The following CCDC170 variants were observed in gnomAD, a reference collection of about 807,000 sequenced individuals.
CCDC170 encodes the protein coiled-coil domain-containing protein 170.
A neutral mutation model predicts 72.6 loss-of-function variants in CCDC170; 69 were observed. That is an observed-to-expected ratio of 0.95 (90% CI 0.78 to 1.16). The LOEUF (loss-of-function observed/expected upper bound fraction) is 1.16. Ranked by LOEUF, CCDC170 falls within the 50% of genes most tolerant of loss-of-function variation. The pLI is 0.00. For synonymous variants in CCDC170, 300 were observed against 303.9 expected, an observed-to-expected ratio of 0.99 and a Z score of 0.13; for missense variants, 852 against 832.5, an observed-to-expected ratio of 1.02 and a Z score of -0.29.
rs1336115859 is a variant in CCDC170 at position 151,494,212 on chromosome 6, CG to C, written c.57+32del. On this transcript the variant is annotated intron_variant, in intron 1 of 10. Transcript: ENST00000239374. ...TACGGTCCCAGCCGCCGGCCGCGCG[CG>C]GGGGTGGCCCTGGGGATAGACGACC... 10 of 1,493,078 alleles carry C rather than the reference CG, an allele frequency of 6.7e-6. No homozygotes were observed. In the East Asian group the frequency reaches 8.3e-5, roughly 12 times the overall value. The allele number at this position is 1,493,078 out of a possible 1,614,324, so 92.5% of individuals were successfully genotyped here. A position where few individuals can be genotyped will look rare whatever the true frequency, so the allele number is the denominator to read the frequency against.
intron 9 of CCDC170, among the ~76,000 whole-genome samples, chr6:151,602,483 G>A (rs1011893887): frequency 6.6e-6 from 1 of 152,090 alleles, no homozygotes; most frequent in Admixed American, 6.6e-5. Context: ...CCATTGATAT[G>A]GTTTGGCTCT....
intron 5 of CCDC170, among the ~76,000 whole-genome samples, chr6:151,569,828 G>C (rs1319526994): frequency 2.0e-5 from 3 of 152,086 alleles, no homozygotes; most frequent in African/African-American, 7.2e-5. Context: ...CATCCCCAAG[G>C]CCTTGTCACT....
chr6:151,536,462 T>A lies in CCDC170; in HGVS notation c.186+16T>A. ...TCAGTCTGAGGTAAGATAATGCATTTCCAGCACTCAGAAATGGGCCTTCTT... is the reference window on the plus strand; with the variant it reads ...TCAGTCTGAGGTAAGATAATGCATTACCAGCACTCAGAAATGGGCCTTCTT... On this transcript the variant is annotated intron_variant, in intron 2 of 10. Transcript: ENST00000239374. The A allele has an allele frequency of 6.2e-7, 1 of 1,613,116 alleles. No individual in the cohort carries two copies. The highest frequency in any genetic ancestry group is 8.5e-7 in the Non-Finnish European group (1 of 1,179,268).
intron 1 of CCDC170, among the ~76,000 whole-genome samples, chr6:151,515,833 C>T (rs896966241): frequency 1.4e-4 from 22 of 152,004 alleles, no homozygotes; most frequent in African/African-American, 1.9e-4. Flanking sequence ...TTTGGAAGTC[C>T]GAAGCGGGTG....
intron 1 of CCDC170, among the ~76,000 whole-genome samples, chr6:151,515,358 C>G (rs1782219676): frequency 6.6e-6 from 1 of 152,244 alleles, no homozygotes; most frequent in Non-Finnish European, 1.5e-5. Context: ...TCTTGGCTCA[C>G]TGCAACCTCT....
chr6:151,568,413 G>A (rs1015664463), intron 5 of CCDC170, among the ~76,000 whole-genome samples: 15 of 152,170 alleles, frequency 9.9e-5, no homozygotes, highest in African/African-American at 3.6e-4. Flanking sequence ...TGTGAATGCA[G>A]CCCAAGTTTG....
rs1781872335 is a variant in CCDC170 at position 151,494,080 on chromosome 6, T to C, written c.-49T>C. On this transcript the variant is annotated 5_prime_UTR_variant, in exon 1 of 11. Transcript: ENST00000239374. The stretch of plus-strand genomic sequence containing the variant: ...CCCGCCGGCTCCCGGCGCCGCCGCT[T>C]CCTCAGGGCCGGTTCCGGGTCCGAG... 6.9e-7 allele frequency: 1 copy of C among 1,452,198 alleles called. No homozygotes were observed. Among genetic ancestry groups the C allele is most frequent in the Non-Finnish European group, 9.0e-7 (1 of 1,107,828 alleles). The allele number at this position is 1,452,198 out of a possible 1,614,324, so 90.0% of individuals were successfully genotyped here. A position where few individuals can be genotyped will look rare whatever the true frequency, so the allele number is the denominator to read the frequency against.
Position 151,573,293 on chromosome 6 carries a change from G to A in CCDC170, c.894G>A (p.Leu298=). 6.2e-7 allele frequency: 1 copy of A among 1,614,198 alleles called. No individual in the cohort carries two copies. Among genetic ancestry groups the A allele is most frequent in the Non-Finnish European group, 8.5e-7 (1 of 1,180,028 alleles). Residue 298 remains leucine (L), a synonymous_variant, in exon 6 of 11, where the codon CTG becomes CTA. Coordinates refer to ENST00000239374, the MANE Select transcript of CCDC170 (RefSeq NM_025059.4). ...CCTCAAAGCAGGAAGTGAGCCTCCTGAAGAAAAGCTCTTCTGAGTTGGAGA... is the reference window on the plus strand; with the variant it reads ...CCTCAAAGCAGGAAGTGAGCCTCCTAAAGAAAAGCTCTTCTGAGTTGGAGA... The part of the protein sequence containing the change: ...WDASKQEVSL[L]KKSSSELEKS...
intron 1 of CCDC170, among the ~76,000 whole-genome samples, chr6:151,528,698 T>C (rs540684719): frequency 9.5e-4 from 145 of 151,870 alleles, no homozygotes; most frequent in Non-Finnish European, 1.7e-3. Flanking sequence ...ATTAGCCAAA[T>C]GTGGTGGCGC....
intron 7 of CCDC170, 40 bp from the exon 8 acceptor site, chr6:151,593,067 G>T: frequency 6.2e-7 from 1 of 1,602,100 alleles, no homozygotes; most frequent in South Asian, 1.1e-5. Context: ...CATTAACTTT[G>T]ACTTTCATGT....
chr6:151,584,442 GTTAA>G (rs1242739408), intron 6 of CCDC170, among the ~76,000 whole-genome samples: 1 of 152,126 alleles, frequency 6.6e-6, no homozygotes, highest in Non-Finnish European at 1.5e-5. Flanking sequence ...CCATTAAAAT[GTTAA>G]TTAAGAATTT....
chr6:151,537,432 C>T (rs1464317369), intron 2 of CCDC170, among the ~76,000 whole-genome samples: 2 of 152,164 alleles, frequency 1.3e-5, no homozygotes, highest in Admixed American at 6.5e-5. Flanking sequence ...GACATTTTAA[C>T]TCAATAGGGC....
intron 5 of CCDC170, among the ~76,000 whole-genome samples, chr6:151,557,770 A>C (rs1369631978): frequency 6.6e-6 from 1 of 152,262 alleles, no homozygotes; most frequent in South Asian, 2.1e-4. Flanking sequence ...ATGATACCTC[A>C]TTGTGGTTTT....
intron 1 of CCDC170, among the ~76,000 whole-genome samples, chr6:151,523,567 T>G (rs941033153): frequency 6.6e-6 from 1 of 151,514 alleles, no homozygotes; most frequent in Non-Finnish European, 1.5e-5. Flanking sequence ...ACGCCTGTAA[T>G]CCCAGCTACT....
intron 1 of CCDC170, among the ~76,000 whole-genome samples, chr6:151,522,297 A>G (rs1782331577): frequency 1.3e-5 from 2 of 152,202 alleles, no homozygotes; most frequent in African/African-American, 4.8e-5. Context: ...GTTATCTTAC[A>G]TGTAAACAAG....
At chr6:151,527,050 A>ATTTTTTTTTTTTTTTT (rs56941290) in intron 1 of CCDC170, among the ~76,000 whole-genome samples, 2 of 69,682 alleles carry the variant, frequency 2.9e-5, no homozygotes, top group Non-Finnish European at 5.4e-5. Context: ...ATGCTTAGCT[A>ATTTTTTTTTTTTTTTT]TTTTTTTTTT....
intron 3 of CCDC170, among the ~76,000 whole-genome samples, chr6:151,541,486 G>A (rs976077079): frequency 8.6e-5 from 13 of 151,902 alleles, no homozygotes; most frequent in African/African-American, 3.1e-4. Context: ...CTAGTAGCTG[G>A]GACTACAGGT....
intron 1 of CCDC170, among the ~76,000 whole-genome samples, chr6:151,498,981 A>G (rs13208950): frequency 0.15 from 17,048 of 116,754 alleles, 1,265 homozygotes; most frequent in Middle Eastern, 0.26. Flanking sequence ...TTCTAGGCAC[A>G]CTGTATAAGT....
chr6:151,496,849 T>C (rs1466145112), intron 1 of CCDC170, among the ~76,000 whole-genome samples: 1 of 152,264 alleles, frequency 6.6e-6, no homozygotes, highest in Non-Finnish European at 1.5e-5. Flanking sequence ...ATAAAACTTA[T>C]CGCATAACGT....
Sources: gnomAD v4.1 joint callset for allele counts (sites outside exome capture counted in the v4.1 genomes callset) on GRCh38, gnomAD v4.1.1 for gene constraint, MANE v1.5 for transcripts, NCBI Gene and HGNC (gene_info 2026-07-23, HGNC 2026-07-21) for gene names.